The following UBE2E2 variants were observed in gnomAD, a reference collection of about 807,000 sequenced individuals.
UBE2E2 encodes the protein ubiquitin conjugating enzyme E2 E2.
Under a neutral mutation model 24.7 loss-of-function variants are expected in UBE2E2, and 6 were observed. The ratio of observed to expected loss-of-function variants is 0.24; its 90% CI spans 0.13 to 0.48. The LOEUF is 0.48. Ranked by LOEUF, UBE2E2 falls within the 20% of genes least tolerant of loss-of-function variation. The probability of loss-of-function intolerance (pLI) is 0.99; values close to 1 mark genes in which losing one functional copy is unlikely to be tolerated. For synonymous variants in UBE2E2, 104 were observed against 83.6 expected (o/e 1.24, Z -1.33); for missense variants, 169 against 245.0 (o/e 0.69, Z 2.07).
At chr3:23,225,546 GA>G (rs147029223) in intron 3 of UBE2E2, among the ~76,000 whole-genome samples, 4,349 of 152,106 alleles carry the variant, frequency 0.029, 105 homozygotes, top group East Asian at 0.13. Flanking sequence ...ACCATTCGTT[GA>G]AAAGACTATT....
chr3:23,291,404 TTATC>T (rs1248782627), intron 3 of UBE2E2, among the ~76,000 whole-genome samples: 2 of 152,176 alleles, frequency 1.3e-5, no homozygotes, highest in Non-Finnish European at 2.9e-5. Context: ...CAAGAAATCT[TTATC>T]TGTCTTTTCA....
chr3:23,442,788 C>T (rs908969100), intron 3 of UBE2E2, among the ~76,000 whole-genome samples: 3 of 152,088 alleles, frequency 2.0e-5, no homozygotes, highest in African/African-American at 4.8e-5. Context: ...GATAAGGGGG[C>T]GTGGTTACTG....
chr3:23,297,796 T>C (rs1197898593), intron 3 of UBE2E2, among the ~76,000 whole-genome samples: 2 of 152,182 alleles, frequency 1.3e-5, no homozygotes, highest in Non-Finnish European at 2.9e-5. Context: ...ATATGAACTT[T>C]AAAGTAGTTT....
Position 23,566,858 on chromosome 3 carries a change from G to C in UBE2E2, c.509-22876G>C, listed in dbSNP as rs542447533. On this transcript the variant is annotated intron_variant, in intron 5 of 5. Coordinates refer to ENST00000396703, the MANE Select transcript of UBE2E2 (RefSeq NM_152653.4). Reference sequence around the variant, plus strand: ...TATCAAGAAAGTATTTGGTGGCCCAGTTAAGAGATGACAAAGGCTACAAAG... The same window carrying C: ...TATCAAGAAAGTATTTGGTGGCCCACTTAAGAGATGACAAAGGCTACAAAG... Among the ~76,000 whole-genome samples the C allele has an allele frequency of 2.6e-5, 4 of 152,308 alleles. No individual in the cohort carries two copies. In the East Asian group the frequency reaches 7.7e-4, roughly 29 times the overall value.
intron 3 of UBE2E2, among the ~76,000 whole-genome samples, chr3:23,275,396 C>G (rs1286683697): frequency 6.6e-6 from 1 of 151,998 alleles, no homozygotes; most frequent in Non-Finnish European, 1.5e-5. Flanking sequence ...ACCAATTGTG[C>G]CTGGAATACT....
intron 5 of UBE2E2, among the ~76,000 whole-genome samples, chr3:23,586,665 C>A (rs185471301): frequency 7.2e-5 from 11 of 152,076 alleles, no homozygotes; most frequent in Non-Finnish European, 1.5e-4. Context: ...ATACTTTAAA[C>A]AAATTTAAGA....
At chr3:23,556,751 G>A (rs1695798773) in intron 5 of UBE2E2, among the ~76,000 whole-genome samples, 2 of 151,960 alleles carry the variant, frequency 1.3e-5, no homozygotes, top group African/African-American at 2.4e-5. Flanking sequence ...ATTTCTTCCC[G>A]TATACCAACA....
chr3:23,578,891 A>G (rs1696404122), intron 5 of UBE2E2, among the ~76,000 whole-genome samples: 1 of 152,178 alleles, frequency 6.6e-6, no homozygotes, highest in Admixed American at 6.5e-5. Context: ...TCTGTGTAAC[A>G]AACATGCACA....
chr3:23,278,508 C>T (rs1698418076), intron 3 of UBE2E2, among the ~76,000 whole-genome samples: 1 of 151,940 alleles, frequency 6.6e-6, no homozygotes, highest in Non-Finnish European at 1.5e-5. Context: ...ATTACAGATT[C>T]CAGAAGAGTT....
chr3:23,382,513 A>C (rs1035953678), intron 3 of UBE2E2, among the ~76,000 whole-genome samples: 1 of 152,208 alleles, frequency 6.6e-6, no homozygotes, highest in East Asian at 1.9e-4. Flanking sequence ...TGGTTTTACT[A>C]TATGAGCGTA....
At chr3:23,544,604 T>C (rs1695474883) in intron 5 of UBE2E2, among the ~76,000 whole-genome samples, 1 of 152,180 alleles carries the variant, frequency 6.6e-6, no homozygotes, top group Non-Finnish European at 1.5e-5. Flanking sequence ...CTGGTGGGAA[T>C]GTAAATTAGT....
intron 3 of UBE2E2, among the ~76,000 whole-genome samples, chr3:23,375,470 A>G (rs1696498093): frequency 6.6e-6 from 1 of 152,192 alleles, no homozygotes; most frequent in Non-Finnish European, 1.5e-5. Flanking sequence ...ATCCTCAATG[A>G]ATTTATAATC....
intron 3 of UBE2E2, among the ~76,000 whole-genome samples, chr3:23,422,967 C>A (rs77441071): frequency 0.036 from 5,512 of 152,234 alleles, 137 homozygotes; most frequent in East Asian, 0.085. Flanking sequence ...GAGTTATCAC[C>A]TTCCCATACT....
chr3:23,234,427 C>G (rs1697051929), intron 3 of UBE2E2, among the ~76,000 whole-genome samples: 1 of 152,132 alleles, frequency 6.6e-6, no homozygotes, highest in African/African-American at 2.4e-5. Flanking sequence ...CATTCAAATT[C>G]ACTCATTGAC....
intron 3 of UBE2E2, among the ~76,000 whole-genome samples, chr3:23,471,520 T>C (rs2125434460): frequency 6.6e-6 from 1 of 152,340 alleles, no homozygotes; most frequent in East Asian, 1.9e-4. Flanking sequence ...CAAATACTCA[T>C]TGGAAAGCAC....
chr3:23,587,076 A>G (rs982100270), intron 5 of UBE2E2, among the ~76,000 whole-genome samples: 13 of 152,186 alleles, frequency 8.5e-5, no homozygotes, highest in African/African-American at 3.1e-4. Flanking sequence ...TTACTGTTTT[A>G]TAGTTAGTGT....
At chr3:23,411,337 G>A (rs1370797672) in intron 3 of UBE2E2, among the ~76,000 whole-genome samples, 1 of 152,144 alleles carries the variant, frequency 6.6e-6, no homozygotes, top group East Asian at 1.9e-4. Context: ...TCTAGATGAT[G>A]CCTCCACATC....
At chr3:23,333,510 GACA>G (rs1695123302) in intron 3 of UBE2E2, among the ~76,000 whole-genome samples, 1 of 152,200 alleles carries the variant, frequency 6.6e-6, no homozygotes, top group African/African-American at 2.4e-5. Flanking sequence ...ACTCCTAGGA[GACA>G]GATTTTCTGC....
intron 3 of UBE2E2, among the ~76,000 whole-genome samples, chr3:23,452,359 TAGTG>T (rs1297484182): frequency 6.6e-6 from 1 of 152,120 alleles, no homozygotes; most frequent in African/African-American, 2.4e-5. Context: ...TTTTTTCTGT[TAGTG>T]AGTAGACTTT....
Sources: allele counts gnomAD v4.1 joint callset (sites outside exome capture counted in the v4.1 genomes callset), GRCh38; gene constraint gnomAD v4.1.1; transcripts MANE v1.5; gene names NCBI Gene and HGNC (gene_info 2026-07-23, HGNC 2026-07-21).